The following PTPRZ1 variants were observed in gnomAD, a reference collection of about 807,000 sequenced individuals.
PTPRZ1 encodes the protein protein tyrosine phosphatase receptor type Z1.
In PTPRZ1, 82 loss-of-function variants were observed where a neutral mutation model predicts 214.1. That is an observed-to-expected ratio of 0.38 (90% confidence interval 0.32 to 0.46). The LOEUF (loss-of-function observed/expected upper bound fraction) is 0.46, where lower values mean the gene tolerates loss of function less well. Among genes scored for constraint, PTPRZ1 ranks in the 20% least tolerant of loss-of-function variants. The pLI is 1.00. For synonymous variants in PTPRZ1, 945 were observed against 987.9 expected (o/e 0.96, Z 0.81); for missense variants, 2,603 against 2,748.7 (o/e 0.95, Z 1.19).
intron 1 of PTPRZ1, among the ~76,000 whole-genome samples, chr7:121,879,295 C>T (rs1794159187): frequency 6.6e-6 from 1 of 152,116 alleles, no homozygotes; most frequent in African/African-American, 2.4e-5. Context: ...AGCTAGTGTG[C>T]CACTTTGTAT....
At chr7:121,888,293 TGAA>T (rs2116199663) in intron 1 of PTPRZ1, among the ~76,000 whole-genome samples, 1 of 151,728 alleles carries the variant, frequency 6.6e-6, no homozygotes, top group African/African-American at 2.4e-5. Context: ...AGAGTATAGA[TGAA>T]GACTCCCCAG....
intron 2 of PTPRZ1, among the ~76,000 whole-genome samples, chr7:121,952,672 A>G (rs1584676245): frequency 6.6e-6 from 1 of 152,346 alleles, no homozygotes; most frequent in East Asian, 1.9e-4. Flanking sequence ...TGAGTTTAAT[A>G]ATTTACTTTG....
At chr7:121,888,004 C>T (rs1240926033) in intron 1 of PTPRZ1, among the ~76,000 whole-genome samples, 1 of 152,028 alleles carries the variant, frequency 6.6e-6, no homozygotes, top group East Asian at 1.9e-4. Context: ...TATTTTACAG[C>T]CATTGGTTAC....
At chr7:122,057,645 C>CTTTTTTTTTTTTTTTT (rs5887066) in intron 27 of PTPRZ1, among the ~76,000 whole-genome samples, 2 of 128,176 alleles carry the variant, frequency 1.6e-5, no homozygotes, top group African/African-American at 2.9e-5. Context: ...CTTTGTGATT[C>CTTTTTTTTTTTTTTTT]TTTTTTTTTT....
intron 25 of PTPRZ1, 44 bp from the exon 26 acceptor site, chr7:122,053,866 A>G (rs761077066): frequency 6.2e-6 from 10 of 1,604,510 alleles, no homozygotes; most frequent in Non-Finnish European, 8.5e-6. Flanking sequence ...GAATGTTTAA[A>G]GGCATACGCC....
chr7:121,942,767 A>G (rs770089595), intron 2 of PTPRZ1, among the ~76,000 whole-genome samples: 2 of 152,218 alleles, frequency 1.3e-5, no homozygotes, highest in African/African-American at 2.4e-5. Flanking sequence ...TATATAGATT[A>G]GATACCACAG....
Position 121,896,846 on chromosome 7 carries a change from A to G in PTPRZ1, c.58+23289A>G, listed in dbSNP as rs149706531. Among the ~76,000 whole-genome samples the G allele has an allele frequency of 9.9e-5, 15 of 151,936 alleles. No individual in the cohort carries two copies. In the East Asian group the frequency reaches 2.7e-3, roughly 27 times the overall value. Reference sequence around the variant, plus strand: ...CCAGTCACAGAAAAATAAATACTGTATGATTCCACTTGTATAGATTAGATG... The same window carrying G: ...CCAGTCACAGAAAAATAAATACTGTGTGATTCCACTTGTATAGATTAGATG... On this transcript the variant is annotated intron_variant, in intron 1 of 29. Transcript: ENST00000393386.
At chr7:122,026,928 C>T (rs1358352591) in intron 13 of PTPRZ1, among the ~76,000 whole-genome samples, 4 of 152,130 alleles carry the variant, frequency 2.6e-5, no homozygotes, top group East Asian at 3.8e-4. Context: ...CACATGCTCC[C>T]GAGCACTAAA....
intron 23 of PTPRZ1, among the ~76,000 whole-genome samples, chr7:122,045,171 G>A (rs905255248): frequency 3.9e-5 from 6 of 152,076 alleles, no homozygotes; most frequent in Admixed American, 1.3e-4. Flanking sequence ...AGGTGTTACC[G>A]GACCTGCCAG....
chr7:121,960,799 A>G (rs936175779), intron 2 of PTPRZ1, among the ~76,000 whole-genome samples: 1 of 151,960 alleles, frequency 6.6e-6, no homozygotes, highest in Non-Finnish European at 1.5e-5. Context: ...CTTAGTTCAT[A>G]TTCTTGTGTT....
intron 8 of PTPRZ1, among the ~76,000 whole-genome samples, chr7:121,986,278 G>A (rs1797760638): frequency 6.6e-6 from 1 of 152,142 alleles, no homozygotes; most frequent in Admixed American, 6.5e-5. Context: ...TAAATGGCTT[G>A]CCCAAGTTTA....
At chr7:121,976,327 C>A in intron 5 of PTPRZ1, 59 bp downstream of exon 5, 5 of 1,039,966 alleles carry the variant, frequency 4.8e-6, no homozygotes, top group Non-Finnish European at 5.6e-6. Context: ...TAAATATTGA[C>A]GTGAAATATC....
chr7:121,952,760 A>T (rs1269773787), intron 2 of PTPRZ1, among the ~76,000 whole-genome samples: 2 of 152,220 alleles, frequency 1.3e-5, no homozygotes, highest in African/African-American at 2.4e-5. Context: ...GTATACATTT[A>T]AAGAGCAGAG....
intron 2 of PTPRZ1, among the ~76,000 whole-genome samples, chr7:121,947,358 T>C (rs1248725082): frequency 6.6e-6 from 1 of 152,120 alleles, no homozygotes; most frequent in Non-Finnish European, 1.5e-5. Context: ...AATATTTAAC[T>C]CCATAGTCCT....
chr7:121,968,715 A>G (rs974470792), intron 3 of PTPRZ1, among the ~76,000 whole-genome samples: 2 of 151,900 alleles, frequency 1.3e-5, no homozygotes, highest in Admixed American at 6.6e-5. Flanking sequence ...ATAGATAAAT[A>G]ATTTCCAAAA....
intron 5 of PTPRZ1, 23 bp from the exon 6 acceptor site, chr7:121,976,762 A>G (rs1394750675): frequency 1.3e-6 from 2 of 1,542,672 alleles, no homozygotes; most frequent in Non-Finnish European, 1.8e-6. Context: ...TTCTTTTTTT[A>G]GAATGTGATT....
At position 122,013,704 on chromosome 7, in the gene PTPRZ1, A is replaced by T. The variant is rs1448104445; in HGVS notation, c.4658A>T (p.Gln1553Leu). The T allele has an allele frequency of 1.9e-6, 3 of 1,614,242 alleles. No homozygotes were observed. Among genetic ancestry groups the T allele is most frequent in the Non-Finnish European group, 8.5e-7 (1 of 1,180,038 alleles). The change falls in exon 12 of 30, where the codon CAA becomes CTA. Residue 1553 changes from glutamine (Q) to leucine (L), a missense_variant. Physicochemically the swap from Gln to Leu is moderately radical, Grantham distance 113. Around this residue, in one of 6 missense-constraint regions of PTPRZ1, gnomAD observed 1,913 missense variants for 1,914.3 expected, o/e 1.00. Transcript: ENST00000393386. ...LTSDEESGSG[Q>L]GTSDSLNENE... ...AGTGATGAAGAAAGTGGATCAGGGCAAGGTACCTCAGATAGCCTTAATGAG... is the reference window on the plus strand; with the variant it reads ...AGTGATGAAGAAAGTGGATCAGGGCTAGGTACCTCAGATAGCCTTAATGAG...
chr7:121,984,050 G>T lies in PTPRZ1; in HGVS notation c.861G>T (p.Glu287Asp), dbSNP rs1185165090. The change falls in exon 8 of 30, where the codon GAG becomes GAT. Residue 287 changes from glutamate (E) to aspartate (D), a missense_variant. Glu to Asp is a conservative substitution (Grantham distance 45). Transcript: ENST00000393386. ...ACTACTTACAAAACAATTTTCGAGAGCAACAGTACAAGTTCTCTAGACAGG... is the reference window on the plus strand; with the variant it reads ...ACTACTTACAAAACAATTTTCGAGATCAACAGTACAAGTTCTCTAGACAGG... The part of the protein sequence containing the change: ...LMDYLQNNFR[E>D]QQYKFSRQVF... 6.2e-7 allele frequency: 1 copy of T among 1,613,390 alleles called. No individual in the cohort carries two copies. The highest frequency in any genetic ancestry group is 1.3e-5 in the African/African-American group (1 of 74,882).
rs765431165 is a variant in PTPRZ1, at chr7:122,013,574, G to A, written c.4528G>A (p.Gly1510Arg). ...TCCTGGTAAATCACCATCAGCAAATGGGCTATCCCAAAAGCACAATGATGG... is the reference window on the plus strand; with the variant it reads ...TCCTGGTAAATCACCATCAGCAAATAGGCTATCCCAAAAGCACAATGATGG... ...RSPGKSPSANGLSQKHNDGKE... is the reference protein window; with the variant it reads ...RSPGKSPSANRLSQKHNDGKE... The change falls in exon 12 of 30, where the codon GGG (glycine) becomes AGG (arginine). Residue 1510 changes from glycine to arginine, a missense_variant. Coordinates refer to ENST00000393386, the MANE Select transcript of PTPRZ1 (RefSeq NM_002851.3). 58 of 1,614,004 alleles carry A rather than the reference G, an allele frequency of 3.6e-5. No individual in the cohort carries two copies. Among genetic ancestry groups the A allele is most frequent in the Non-Finnish European group, 4.8e-5 (57 of 1,180,024 alleles).
Sources: gnomAD v4.1 joint callset for allele counts (sites outside exome capture counted in the v4.1 genomes callset) on GRCh38, gnomAD v4.1.1 for gene constraint, gnomAD v4.1.1 regional missense constraint, MANE v1.5 for transcripts, NCBI Gene and HGNC (gene_info 2026-07-23, HGNC 2026-07-21) for gene names.